ZNRD2: variants seen among roughly 807,000 people sequenced by gnomAD.
ZNRD2 encodes the protein protein ZNRD2.
In ZNRD2, 16 loss-of-function variants were observed where a neutral mutation model predicts 22.0. The ratio of observed to expected loss-of-function variants is 0.73; its 90% CI spans 0.49 to 1.11. The LOEUF (loss-of-function observed/expected upper bound fraction) is 1.11. Ranked by LOEUF, ZNRD2 falls within the 50% of genes least tolerant of loss-of-function variation. ZNRD2 has a pLI of 0.00. For missense variants in ZNRD2, 269 were observed against 258.9 expected (o/e 1.04, Z -0.27); for synonymous variants, 105 against 109.8 (o/e 0.96, Z 0.27).
At position 65,571,769 on chromosome 11, in the gene ZNRD2, G is replaced by A. The variant is rs1029709432; in HGVS notation, c.*35G>A. On this transcript the variant is annotated 3_prime_UTR_variant, in exon 4 of 4. Transcript: ENST00000309328. ...CTGAGAAAAACCCTCTAGAAAAACAGCTGTTCCTCTGTGTGGTTTGTTTTT... is the reference window on the plus strand; with the variant it reads ...CTGAGAAAAACCCTCTAGAAAAACAACTGTTCCTCTGTGTGGTTTGTTTTT... 2 of 1,530,610 alleles carry A rather than the reference G, an allele frequency of 1.3e-6. No homozygotes were observed. Among genetic ancestry groups the A allele is most frequent in the African/African-American group, 1.4e-5 (1 of 71,926 alleles). 94.8% of individuals were successfully genotyped at this position (1,530,610 alleles called of 1,614,324 possible). A position where few individuals can be genotyped will look rare whatever the true frequency, so the allele number is the denominator to read the frequency against.
chr11:65,570,593 C>A lies in ZNRD2; in HGVS notation c.20-11C>A. On this transcript the variant is annotated splice_polypyrimidine_tract_variant and intron_variant, in intron 1 of 3. Transcript: ENST00000309328. ...GGCAAGACCCCCAGTCCCTATGCCT[C>A]TCTTCCCCAGAAGTCGACGACTTCT... 6.2e-7 allele frequency: 1 copy of A among 1,613,980 alleles called. No homozygotes were observed. The highest frequency in any genetic ancestry group is 8.5e-7 in the Non-Finnish European group (1 of 1,179,990).
Position 65,570,638 on chromosome 11 carries a change from G to A in ZNRD2, c.54G>A (p.Glu18=). ...VDDFSWEPPT[E]AETKVLQARR... is the part of the protein sequence containing the mutation. The stretch of plus-strand genomic sequence containing the variant: ...ACTTCTCCTGGGAGCCCCCGACTGA[G>A]GCGGAGACGAAGGTGCTGCAGGCGC... The change falls in exon 2 of 4, where the codon GAG becomes GAA. Residue 18 remains glutamate, a synonymous_variant. Transcript: ENST00000309328. 2 of 1,613,954 alleles carry A rather than the reference G, an allele frequency of 1.2e-6. No homozygotes were observed. The highest frequency in any genetic ancestry group is 1.7e-6 in the Non-Finnish European group (2 of 1,179,986).
At position 65,570,606 on chromosome 11, in the gene ZNRD2, G is replaced by T; in HGVS notation, c.22G>T (p.Val8Phe). The change falls in exon 2 of 4, where the codon GTC (valine) becomes TTC (phenylalanine). Residue 8 changes from valine (V) to phenylalanine (F), a missense_variant and splice_region_variant. Coordinates refer to ENST00000309328, the MANE Select transcript of ZNRD2 (RefSeq NM_006396.3). The stretch of plus-strand genomic sequence containing the variant: ...GTCCCTATGCCTCTCTTCCCCAGAA[G>T]TCGACGACTTCTCCTGGGAGCCCCC... MALNGAE[V>F]DDFSWEPPTE... The T allele has an allele frequency of 6.2e-7, 1 of 1,613,954 alleles. No homozygotes were observed. The highest frequency in any genetic ancestry group is 1.7e-5 in the Admixed American group (1 of 60,024).
Position 65,570,477 on chromosome 11 carries a change from G to A in ZNRD2, c.-15G>A, listed in dbSNP as rs376837884. 25 of 1,613,300 alleles carry A rather than the reference G, an allele frequency of 1.5e-5. No individual in the cohort carries two copies. Among genetic ancestry groups the A allele is most frequent in the Non-Finnish European group, 2.0e-5 (24 of 1,179,984 alleles). On this transcript the variant is annotated 5_prime_UTR_variant, in exon 1 of 4. Transcript: ENST00000309328. ...TGACGTCACTTCCTGTGAGCCCGGC[G>A]GTGACAACGGCAACATGGCCCTGAA...
rs138925088 is a variant in ZNRD2, at chr11:65,571,709, G to A, written c.575G>A (p.Arg192His). 1.3e-4 allele frequency: 209 copies of A among 1,610,490 alleles called. No homozygotes were observed. The African/African-American group carries it at 2.5e-3, about 19-fold the overall frequency. ...ATCCGCGCATGTGCGGAGGCCCTGC[G>A]CAGCCTGCAGCAGCTACAGCACTAA... ...GLIRACAEAL[R>H]SLQQLQH Residue 192 changes from arginine (R) to histidine (H), a missense_variant, in exon 4 of 4, where the codon CGC becomes CAC. By Grantham distance (29) the Arg-to-His change is conservative. Coordinates refer to ENST00000309328, the MANE Select transcript of ZNRD2 (RefSeq NM_006396.3).
Position 65,570,896 on chromosome 11 carries a change from T to G in ZNRD2, c.182T>G (p.Leu61Arg), listed in dbSNP as rs1857112391. ...ETCADCGTIL[L>R]QDKQRKIYCV... ...CTTTTTGGTCCGTAGACGATCCTCC[T>G]CCAAGACAAACAGCGGAAAATCTAC... Residue 61 changes from leucine (L) to arginine (R), a missense_variant, in exon 3 of 4, where the codon CTC becomes CGC. Leu to Arg is a moderately radical substitution (Grantham distance 102, BLOSUM62 -2). Coordinates refer to ENST00000309328, the MANE Select transcript of ZNRD2 (RefSeq NM_006396.3). 3.7e-6 allele frequency: 6 copies of G among 1,614,124 alleles called. No individual in the cohort carries two copies. In the East Asian group the frequency reaches 1.3e-4, roughly 36 times the overall value.
chr11:65,571,271 C>T, intron 3 of ZNRD2, 120 bp from the exon 4 acceptor site: 1 of 1,296,840 alleles, frequency 7.7e-7, no homozygotes, highest in East Asian at 2.5e-5. Flanking sequence ...GATGAGTTGC[C>T]TTATAGAGGG....
chr11:65,571,058 G>A (rs1857115795), intron 3 of ZNRD2, 88 bp downstream of exon 3: 2 of 1,257,266 alleles, frequency 1.6e-6, no homozygotes, highest in African/African-American at 1.5e-5. Context: ...GAGAACAGTA[G>A]GGCTGAGAGG....
rs748436463 is a variant in ZNRD2 at position 65,571,760 on chromosome 11, A to G, written c.*26A>G. ...GAGAAGCCCCTGAGAAAAACCCTCT[A>G]GAAAAACAGCTGTTCCTCTGTGTGG... On this transcript the variant is annotated 3_prime_UTR_variant, in exon 4 of 4. Coordinates refer to ENST00000309328, the MANE Select transcript of ZNRD2 (RefSeq NM_006396.3). The G allele has an allele frequency of 6.5e-7, 1 of 1,549,554 alleles. No individual in the cohort carries two copies. Among genetic ancestry groups the G allele is most frequent in the Non-Finnish European group, 8.7e-7 (1 of 1,147,250 alleles).
intron 3 of ZNRD2, 75 bp from the exon 4 acceptor site, chr11:65,571,316 G>T: frequency 6.7e-7 from 1 of 1,500,836 alleles, no homozygotes. Flanking sequence ...AAAGAGCAGA[G>T]CAGAAAAGGA....
In ZNRD2 at chr11:65,571,703, C is replaced by G; in HGVS notation, c.569C>G (p.Ala190Gly). 6.2e-7 allele frequency: 1 copy of G among 1,612,130 alleles called. No homozygotes were observed. Among genetic ancestry groups the G allele is most frequent in the African/African-American group, 1.3e-5 (1 of 75,006 alleles). Reference sequence around the variant, plus strand: ...GGCCTTATCCGCGCATGTGCGGAGGCCCTGCGCAGCCTGCAGCAGCTACAG... The same window carrying G: ...GGCCTTATCCGCGCATGTGCGGAGGGCCTGCGCAGCCTGCAGCAGCTACAG... ...LCGLIRACAE[A>G]LRSLQQLQH Residue 190 changes from alanine to glycine, a missense_variant, in exon 4 of 4, where the codon GCC becomes GGC. Physicochemically the swap from Ala to Gly is moderately conservative, Grantham distance 60 (BLOSUM62 0). Coordinates refer to ENST00000309328, the MANE Select transcript of ZNRD2 (RefSeq NM_006396.3).
rs1454361043 is a variant in ZNRD2, at chr11:65,570,696, A to G, written c.112A>G (p.Met38Val). ...GCGGCAAGATCGCATCTCCCGGCTC[A>G]TGGGCGACTATCTGCTGCGCGGTTA... Reference protein sequence around the residue: ...RERQDRISRLMGDYLLRGYRM... With the variant: ...RERQDRISRLVGDYLLRGYRM... The change falls in exon 2 of 4, where the codon ATG (methionine) becomes GTG (valine). Residue 38 changes from methionine (M) to valine (V), a missense_variant. Physicochemically the swap from Met to Val is conservative, Grantham distance 21. Coordinates refer to ENST00000309328, the MANE Select transcript of ZNRD2 (RefSeq NM_006396.3). 1.9e-6 allele frequency: 3 copies of G among 1,613,746 alleles called. No individual in the cohort carries two copies. The highest frequency in any genetic ancestry group is 2.7e-5 in the African/African-American group (2 of 74,940).
intron 3 of ZNRD2, 22 bp from the exon 4 acceptor site, chr11:65,571,369 A>C: frequency 6.4e-7 from 1 of 1,557,332 alleles, no homozygotes; most frequent in South Asian, 1.2e-5. Context: ...TGACCATTCC[A>C]CCCACTTTCT....
Position 65,571,406 on chromosome 11 carries a change from C to G in ZNRD2, c.272C>G (p.Ala91Gly), listed in dbSNP as rs775819282. 12 of 1,599,958 alleles carry G rather than the reference C, an allele frequency of 7.5e-6. No individual in the cohort carries two copies. The highest frequency in any genetic ancestry group is 9.4e-6 in the Non-Finnish European group (11 of 1,170,884). Residue 91 changes from alanine to glycine, a missense_variant, in exon 4 of 4, where the codon GCT becomes GGT. Ala to Gly is a moderately conservative substitution (Grantham distance 60). Transcript: ENST00000309328. Reference sequence around the variant, plus strand: ...CTCTTTTTAGCTCTGAATGCCCAGGCTGCCCTCTCCCAAGCTCGGGAGCAC... The same window carrying G: ...CTCTTTTTAGCTCTGAATGCCCAGGGTGCCCTCTCCCAAGCTCGGGAGCAC... ...DKDNPALNAQ[A>G]ALSQAREHQL...
At position 65,570,969 on chromosome 11, in the gene ZNRD2, C is replaced by T. The variant is rs1449918030; in HGVS notation, c.255C>T (p.Pro85=). 1.2e-6 allele frequency: 2 copies of T among 1,613,618 alleles called. No individual in the cohort carries two copies. The highest frequency in any genetic ancestry group is 1.7e-5 in the Admixed American group (1 of 59,968). ...ACTCAGACGTGGATAAAGATAATCC[C>T]GGTAAGAGTAAAAAATAATCCGGGA... The part of the protein sequence containing the change: ...ELDSDVDKDN[P]ALNAQAALSQ... Residue 85 remains proline, a splice_region_variant and synonymous_variant, in exon 3 of 4, where the codon CCC becomes CCT. Coordinates refer to ENST00000309328, the MANE Select transcript of ZNRD2 (RefSeq NM_006396.3).
rs992172780 is a variant in ZNRD2, at chr11:65,571,861, A to G, written c.*127A>G. The G allele has an allele frequency of 5.9e-6, 8 of 1,348,344 alleles. No homozygotes were observed. Among genetic ancestry groups the G allele is most frequent in the African/African-American group, 4.4e-5 (3 of 67,720 alleles). 83.5% of individuals were successfully genotyped at this position (1,348,344 alleles called of 1,614,324 possible). A position where few individuals can be genotyped will look rare whatever the true frequency, so the allele number is the denominator to read the frequency against. ...CCTTTTTCCAGCTTTTGGCCTCTTC[A>G]CCTCTCCACTCTGCTCTCCTTGACG... is the stretch of plus-strand genomic sequence containing the variant. On this transcript the variant is annotated 3_prime_UTR_variant, in exon 4 of 4. Transcript: ENST00000309328.
chr11:65,570,557 C>T (rs1250122275), intron 1 of ZNRD2, 47 bp downstream of exon 1: 2 of 1,613,764 alleles, frequency 1.2e-6, no homozygotes, highest in African/African-American at 2.7e-5. Context: ...GTACGGGAGG[C>T]AGCCCACTCC....
Position 65,570,490 on chromosome 11 carries a change from A to G in ZNRD2, c.-2A>G. 2 of 1,613,732 alleles carry G rather than the reference A, an allele frequency of 1.2e-6. No individual in the cohort carries two copies. Among genetic ancestry groups the G allele is most frequent in the East Asian group, 2.2e-5 (1 of 44,880 alleles). ...TGTGAGCCCGGCGGTGACAACGGCAACATGGCCCTGAACGGAGCTGGTGAG... is the reference window on the plus strand; with the variant it reads ...TGTGAGCCCGGCGGTGACAACGGCAGCATGGCCCTGAACGGAGCTGGTGAG... On this transcript the variant is annotated 5_prime_UTR_variant, in exon 1 of 4. Coordinates refer to ENST00000309328, the MANE Select transcript of ZNRD2 (RefSeq NM_006396.3).
chr11:65,571,402 C>G lies in ZNRD2; in HGVS notation c.268C>G (p.Gln90Glu). Residue 90 changes from glutamine to glutamate, a missense_variant, in exon 4 of 4, where the codon CAG (glutamine) becomes GAG (glutamate). Gln to Glu is a conservative substitution (Grantham distance 29). Coordinates refer to ENST00000309328, the MANE Select transcript of ZNRD2 (RefSeq NM_006396.3). ...TCTCCTCTTTTTAGCTCTGAATGCC[C>G]AGGCTGCCCTCTCCCAAGCTCGGGA... ...VDKDNPALNA[Q>E]AALSQAREHQ... The G allele has an allele frequency of 6.3e-7, 1 of 1,593,634 alleles. No homozygotes were observed. Among genetic ancestry groups the G allele is most frequent in the East Asian group, 2.2e-5 (1 of 44,530 alleles).
Sources: allele counts gnomAD v4.1 joint callset, GRCh38; gene constraint gnomAD v4.1.1; transcripts MANE v1.5; gene names NCBI Gene and HGNC (gene_info 2026-07-23, HGNC 2026-07-21).